The following UNC45A variants were observed in gnomAD, a reference collection of about 807,000 sequenced individuals.
The protein encoded by UNC45A is unc-45 myosin chaperone A.
In UNC45A, 78 loss-of-function variants were observed where a neutral mutation model predicts 103.2. The ratio of observed to expected loss-of-function variants is 0.76; its 90% CI spans 0.63 to 0.91. The LOEUF (loss-of-function observed/expected upper bound fraction) is 0.91. UNC45A is among the 40% of genes least tolerant of loss of function. The pLI is 0.00. For missense variants in UNC45A, 1,193 were observed against 1,224.8 expected (o/e 0.97, Z 0.39); for synonymous variants, 495 against 504.6 (o/e 0.98, Z 0.25).
chr15:90,947,567 C>T (rs10459678), intron 10 of UNC45A: 101,755 of 565,112 alleles, frequency 0.18, 11,734 homozygotes, highest in East Asian at 0.42. Context: ...GACTGTCCAG[C>T]GGCCAGCGCA....
chr15:90,942,712 G>A, intron 7 of UNC45A, 107 bp downstream of exon 7: 1 of 1,569,204 alleles, frequency 6.4e-7, no homozygotes, highest in Non-Finnish European at 8.7e-7. Flanking sequence ...GCTGCAGGTT[G>A]TTTGGAATAC....
At position 90,950,444 on chromosome 15, in the gene UNC45A, G is replaced by T. The variant is rs1439222746; in HGVS notation, c.2188-56G>T. ...GGGTGGGCTTCTCCCTGCAGGGTTG[G>T]TGGGGCTTGTGGGGGCTGCGGCAAG... On this transcript the variant is annotated intron_variant, in intron 16 of 19. Transcript: ENST00000418476. 4 of 1,581,822 alleles carry T rather than the reference G, an allele frequency of 2.5e-6. No individual in the cohort carries two copies. The African/African-American group carries it at 4.0e-5, about 16-fold the overall frequency.
upstream of UNC45A, chr15:90,931,832 G>A (rs377242953): frequency 6.2e-7 from 1 of 1,614,160 alleles, no homozygotes; most frequent in Non-Finnish European, 8.5e-7. Flanking sequence ...CTTGGGCAGA[G>A]TCTTGTCATC....
At position 90,952,839 on chromosome 15, in the gene UNC45A, C is replaced by T. The variant is rs2036991962; in HGVS notation, c.2304-90C>T. The T allele has an allele frequency of 2.2e-5, 28 of 1,267,510 alleles. No individual in the cohort carries two copies. The South Asian group carries it at 3.0e-4, about 14-fold the overall frequency. The allele number at this position is 1,267,510 out of a possible 1,614,324, so 78.5% of individuals were successfully genotyped here. A position where few individuals can be genotyped will look rare whatever the true frequency, so the allele number is the denominator to read the frequency against. ...CCAGTCACCTCCCACCAGGCCCTAC[C>T]TCCAACATTGGGGATTATAGTTCAA... On this transcript the variant is annotated intron_variant, in intron 17 of 19. Transcript: ENST00000418476.
chr15:90,949,736 C>T lies in UNC45A; in HGVS notation c.2073+16C>T. The T allele has an allele frequency of 1.2e-6, 2 of 1,613,692 alleles. No individual in the cohort carries two copies. The highest frequency in any genetic ancestry group is 1.3e-5 in the African/African-American group (1 of 75,050). Reference sequence around the variant, plus strand: ...AGGCGGCAGGGTAAGCTGGTTTACACACCCCTTCCTGATGGCTGAGCCATC... The same window carrying T: ...AGGCGGCAGGGTAAGCTGGTTTACATACCCCTTCCTGATGGCTGAGCCATC... On this transcript the variant is annotated intron_variant, in intron 15 of 19. Transcript: ENST00000418476.
upstream of UNC45A, chr15:90,932,542 G>A (rs1170788930): frequency 8.0e-7 from 1 of 1,257,680 alleles, no homozygotes; most frequent in Non-Finnish European, 1.0e-6. Context: ...AGAGCCCATC[G>A]CGCGGATGGG....
chr15:90,950,376 C>A, intron 16 of UNC45A, 109 bp downstream of exon 16: 1 of 1,467,006 alleles, frequency 6.8e-7, no homozygotes, highest in Non-Finnish European at 9.3e-7. Context: ...TTTGTCAAGG[C>A]CTGGGGCAGG....
At position 90,939,725 on chromosome 15, in the gene UNC45A, G is replaced by T; in HGVS notation, c.427-6G>T. The stretch of plus-strand genomic sequence containing the variant: ...GATTTGTTCCATGCTTTGTTGGTTT[G>T]TCTAGGTGCGATACATGTCCTCGAC... On this transcript the variant is annotated splice_region_variant and splice_polypyrimidine_tract_variant and intron_variant, in intron 4 of 19. Coordinates refer to ENST00000418476, the MANE Select transcript of UNC45A (RefSeq NM_018671.5). 1 of 1,614,072 alleles carries T rather than the reference G, an allele frequency of 6.2e-7. No individual in the cohort carries two copies. The highest frequency in any genetic ancestry group is 1.1e-5 in the South Asian group (1 of 91,088).
chr15:90,946,141 C>T (rs1462446743), intron 9 of UNC45A, among the ~76,000 whole-genome samples: 2 of 150,368 alleles, frequency 1.3e-5, no homozygotes, highest in African/African-American at 4.9e-5. Flanking sequence ...GTAATCCCAG[C>T]TACTTGGGAG....
rs554416110 is a variant in UNC45A at position 90,935,323 on chromosome 15, C to T, written c.-2C>T. On this transcript the variant is annotated 5_prime_UTR_variant, in exon 1 of 20. Coordinates refer to ENST00000418476, the MANE Select transcript of UNC45A (RefSeq NM_018671.5). The stretch of plus-strand genomic sequence containing the variant: ...GCGCGGGCACGAGACAACCTCTCCG[C>T]GATGACTGTGAGTGGTCCAGGGACC... 7.5e-6 allele frequency: 12 copies of T among 1,603,914 alleles called. No homozygotes were observed. The highest frequency in any genetic ancestry group is 1.7e-4 in the Middle Eastern group (1 of 6,048).
chr15:90,942,297 T>C, intron 6 of UNC45A, 140 bp from the exon 7 acceptor site: 1 of 953,342 alleles, frequency 1.0e-6, no homozygotes, highest in Non-Finnish European at 1.6e-6. Flanking sequence ...ATGCCATCCA[T>C]TCTGTGTTGT....
upstream of UNC45A, chr15:90,932,198 T>G (rs2035823970): frequency 1.2e-5 from 16 of 1,380,122 alleles, no homozygotes; most frequent in Admixed American, 2.5e-5. Context: ...ATGTGGCCCC[T>G]TGTGGACTCT....
upstream of UNC45A, chr15:90,935,221 TC>T (rs2035938640): frequency 8.3e-7 from 1 of 1,210,476 alleles, no homozygotes; most frequent in African/African-American, 1.5e-5. Context: ...TGACCCCACC[TC>T]CGACGCAAGA....
chr15:90,947,539 G>A (rs2036636352), intron 10 of UNC45A: 2 of 525,584 alleles, frequency 3.8e-6, no homozygotes, highest in Non-Finnish European at 6.9e-6. Context: ...GTGTGGCCTG[G>A]GAAGGGGTGG....
intron 9 of UNC45A, among the ~76,000 whole-genome samples, chr15:90,946,028 T>C (rs1596230410): frequency 1.3e-5 from 2 of 150,226 alleles, no homozygotes; most frequent in Non-Finnish European, 3.0e-5. Flanking sequence ...GGCAGGTGGG[T>C]GATCACCTTA....
At chr15:90,947,224 T>C (rs1474617470) in intron 10 of UNC45A, 4 of 359,402 alleles carry the variant, frequency 1.1e-5, no homozygotes, top group Non-Finnish European at 2.1e-5. Context: ...TGGGCTTTCT[T>C]GTGGTGAGAG....
intron 4 of UNC45A, among the ~76,000 whole-genome samples, chr15:90,936,901 A>G (rs982558968): frequency 3.3e-5 from 5 of 152,216 alleles, no homozygotes; most frequent in African/African-American, 1.2e-4. Context: ...TTTTGTAGTA[A>G]GAAAAACTTG....
At chr15:90,947,218 C>T (rs1262069277) in intron 10 of UNC45A, 11 of 370,828 alleles carry the variant, frequency 3.0e-5, no homozygotes, top group African/African-American at 2.0e-4. Context: ...AGATTCTGGG[C>T]TTTCTTGTGG....
At position 90,953,393 on chromosome 15, in the gene UNC45A, G is replaced by C; in HGVS notation, c.2578-66G>C. The C allele has an allele frequency of 1.9e-6, 3 of 1,599,506 alleles. No individual in the cohort carries two copies. In the South Asian group the frequency reaches 3.4e-5, roughly 18 times the overall value. The stretch of plus-strand genomic sequence containing the variant: ...TGAAGGGGGCAGTCCTAGGGTGTGT[G>C]GGTGTGTCCCTTGCCAAGGTTGAGC... On this transcript the variant is annotated intron_variant, in intron 19 of 19. Coordinates refer to ENST00000418476, the MANE Select transcript of UNC45A (RefSeq NM_018671.5).
Sources: allele counts gnomAD v4.1 joint callset (sites outside exome capture counted in the v4.1 genomes callset), GRCh38; gene constraint gnomAD v4.1.1; transcripts MANE v1.5; gene names NCBI Gene and HGNC (gene_info 2026-07-23, HGNC 2026-07-21).